The following NOX4 variants were observed in gnomAD, a reference collection of about 807,000 sequenced individuals.
NOX4 encodes kidney oxidase-1.
A neutral mutation model predicts 87.6 loss-of-function variants in NOX4; 69 were observed. That is an observed-to-expected ratio of 0.79 (90% CI 0.65 to 0.96). The LOEUF is 0.96. NOX4 is among the 40% of genes least tolerant of loss of function. The pLI is 0.00. For synonymous variants in NOX4, 275 were observed against 238.2 expected (o/e 1.15, Z -1.42); for missense variants, 680 against 681.5 (o/e 1.00, Z 0.02).
intron 11 of NOX4, among the ~76,000 whole-genome samples, chr11:89,380,771 T>C (rs533281654): frequency 6.6e-6 from 1 of 152,282 alleles, no homozygotes; most frequent in South Asian, 2.1e-4. Flanking sequence ...TAATTTTTCA[T>C]GAACATTAAT....
rs866783232 is a variant in NOX4 at position 89,342,012 on chromosome 11, G to A, written c.1337+62C>T. 15 of 1,328,454 alleles carry A rather than the reference G, an allele frequency of 1.1e-5. No individual in the cohort carries two copies. The African/African-American group carries it at 2.1e-4, about 18-fold the overall frequency. 82.3% of individuals were successfully genotyped at this position (1,328,454 alleles called of 1,614,324 possible). ...AAGGAATTATTTTATACTAAAAAGA[G>A]AGATATCAGAAATATTGGCAGTTCT... On this transcript the variant is annotated intron_variant, in intron 14 of 17. Coordinates refer to ENST00000263317, the MANE Select transcript of NOX4 (RefSeq NM_016931.5).
intron 11 of NOX4, among the ~76,000 whole-genome samples, chr11:89,390,090 A>C (rs1941023368): frequency 6.6e-6 from 1 of 152,222 alleles, no homozygotes; most frequent in African/African-American, 2.4e-5. Context: ...TCTTAAGACA[A>C]CTATGCAGTG....
chr11:89,368,947 T>C (rs1939227333), intron 12 of NOX4, among the ~76,000 whole-genome samples: 1 of 152,150 alleles, frequency 6.6e-6, no homozygotes, highest in South Asian at 2.1e-4. Context: ...TATATTTTTA[T>C]AGATATAAAA....
At chr11:89,384,374 C>A in intron 11 of NOX4, among the ~76,000 whole-genome samples, 1 of 152,160 alleles carries the variant, frequency 6.6e-6, no homozygotes, top group East Asian at 1.9e-4. Flanking sequence ...CGGACAGCCC[C>A]CATTACTTCC....
the NOX4 span, among the ~76,000 whole-genome samples, chr11:89,552,853 G>A: frequency 7.9e-5 from 12 of 152,066 alleles, no homozygotes; most frequent in African/African-American, 2.9e-4. Context: ...AAATCAGAGC[G>A]GAATTCTCAA....
the NOX4 span, among the ~76,000 whole-genome samples, chr11:89,549,994 A>G: frequency 6.6e-6 from 1 of 152,126 alleles, no homozygotes; most frequent in Non-Finnish European, 1.5e-5. Flanking sequence ...AATGATTTAT[A>G]ATCCTTTGGG....
chr11:89,396,984 G>C (rs886632378), intron 11 of NOX4, among the ~76,000 whole-genome samples: 2 of 32,340 alleles, frequency 6.2e-5, no homozygotes, highest in African/African-American at 5.2e-4. Context: ...AGATATCTAC[G>C]AACTCTCCAC....
At chr11:89,515,060 A>T in the NOX4 span, among the ~76,000 whole-genome samples, 9 of 152,040 alleles carry the variant, frequency 5.9e-5, no homozygotes, top group Non-Finnish European at 1.3e-4. Flanking sequence ...AATAAATACA[A>T]TTTTTATGAA....
chr11:89,384,672 C>T (rs1255433934), intron 11 of NOX4, among the ~76,000 whole-genome samples: 1 of 152,064 alleles, frequency 6.6e-6, no homozygotes, highest in Non-Finnish European at 1.5e-5. Flanking sequence ...AAAAAACATC[C>T]CTAAAGCTGC....
the NOX4 span, chr11:89,545,175 T>G: frequency 6.6e-6 from 1 of 152,198 alleles, no homozygotes; most frequent in Non-Finnish European, 1.5e-5. Context: ...CTGTTCCAAA[T>G]GATTTTTCAG....
At chr11:89,356,617 GAA>G (rs1938077658) in intron 12 of NOX4, among the ~76,000 whole-genome samples, 1 of 151,870 alleles carries the variant, frequency 6.6e-6, no homozygotes, top group Admixed American at 6.6e-5. Flanking sequence ...GCCCAATTTG[GAA>G]TAGGCTGGAC....
At chr11:89,495,573 G>A (rs1213605463), upstream of NOX4, among the ~76,000 whole-genome samples, 1 of 152,084 alleles carries the variant, frequency 6.6e-6, no homozygotes, top group African/African-American at 2.4e-5. Flanking sequence ...AACTTTACAA[G>A]TTCCTGAGAT....
At chr11:89,347,706 C>T (rs1946278203) in intron 13 of NOX4, among the ~76,000 whole-genome samples, 1 of 152,122 alleles carries the variant, frequency 6.6e-6, no homozygotes, top group South Asian at 2.1e-4. Flanking sequence ...CTCCTTCTTG[C>T]ATAATAGTCA....
chr11:89,328,747 C>A (rs893474467), intron 17 of NOX4, among the ~76,000 whole-genome samples: 1 of 151,956 alleles, frequency 6.6e-6, no homozygotes, highest in African/African-American at 2.4e-5. Context: ...GGAGATAAGG[C>A]TTTAAAGGAG....
At chr11:89,449,250 T>C (rs1944840743) in intron 4 of NOX4, among the ~76,000 whole-genome samples, 190 bp downstream of exon 4, 1 of 152,182 alleles carries the variant, frequency 6.6e-6, no homozygotes, top group African/African-American at 2.4e-5. Flanking sequence ...ACGACAATCT[T>C]ACATTGTTCA....
At chr11:89,427,258 C>T (rs1461599475) in intron 7 of NOX4, among the ~76,000 whole-genome samples, 1 of 152,036 alleles carries the variant, frequency 6.6e-6, no homozygotes, top group Non-Finnish European at 1.5e-5. Context: ...CAGATAAAAC[C>T]ACAAAGATGG....
chr11:89,384,912 C>T (rs1297575246), intron 11 of NOX4, among the ~76,000 whole-genome samples: 2 of 152,102 alleles, frequency 1.3e-5, no homozygotes, highest in Admixed American at 1.3e-4. Flanking sequence ...ACTCCATTTC[C>T]CCATATTTTC....
upstream of NOX4, among the ~76,000 whole-genome samples, chr11:89,496,241 C>T (rs949081635): frequency 6.6e-6 from 1 of 152,138 alleles, no homozygotes; most frequent in African/African-American, 2.4e-5. Context: ...GCTGGGTTAG[C>T]TCCTTGAGAA....
intron 11 of NOX4, among the ~76,000 whole-genome samples, chr11:89,379,252 C>A (rs372080337): frequency 6.6e-6 from 1 of 152,026 alleles, no homozygotes; most frequent in East Asian, 1.9e-4. Flanking sequence ...CATATGAAAC[C>A]AAAGTCTCAT....
Sources: gnomAD v4.1 joint callset for allele counts (sites outside exome capture counted in the v4.1 genomes callset) on GRCh38, gnomAD v4.1.1 for gene constraint, MANE v1.5 for transcripts, NCBI Gene and HGNC (gene_info 2026-07-23, HGNC 2026-07-21) for gene names.